The following LAMA1 variants were observed in gnomAD, a reference collection of about 807,000 sequenced individuals.
LAMA1 encodes laminin subunit alpha-1.
Under a neutral mutation model 348.7 loss-of-function variants are expected in LAMA1, and 219 were observed. That is an observed-to-expected ratio of 0.63 (90% CI 0.56 to 0.70). The LOEUF (loss-of-function observed/expected upper bound fraction) is 0.70, where lower values mean the gene tolerates loss of function less well. LAMA1 is among the 30% of genes least tolerant of loss of function. The pLI, the probability that LAMA1 is intolerant of heterozygous loss-of-function variation, is 0.00. For synonymous variants in LAMA1, 1,487 were observed against 1,491.0 expected (o/e 1.00, Z 0.06); for missense variants, 3,744 against 3,888.0 (o/e 0.96, Z 0.99).
Position 7,080,284 on chromosome 18 carries a change from T to C in LAMA1, c.232+3A>G, listed in dbSNP as rs1386824999. The C allele has an allele frequency of 6.2e-7, 1 of 1,614,166 alleles. No homozygotes were observed. Among genetic ancestry groups the C allele is most frequent in the Non-Finnish European group, 8.5e-7 (1 of 1,180,036 alleles). On this transcript the variant is annotated splice_donor_region_variant and intron_variant, in intron 2 of 62. Coordinates refer to ENST00000389658, the MANE Select transcript of LAMA1 (RefSeq NM_005559.4). ...ATTTCAGAAATAAAGGCGCGACACT[T>C]GCCTCTGGGGTTTGCGCTGTTGCCA...
At position 7,103,251 on chromosome 18, in the gene LAMA1, A is replaced by G. The variant is rs568955321; in HGVS notation, c.61+14409T>C. Among the ~76,000 whole-genome samples the G allele has an allele frequency of 8.1e-4, 123 of 152,088 alleles. 3 individuals carry two copies. The South Asian group carries it at 0.016, about 20-fold the overall frequency. ...GCTAACATGGTGAACTAAAAATACA[A>G]AAAATTAGCCGGGCATGGTGGCGGG... On this transcript the variant is annotated intron_variant, in intron 1 of 62. Coordinates refer to ENST00000389658, the MANE Select transcript of LAMA1 (RefSeq NM_005559.4).
At chr18:6,975,850 T>G (rs2057679147) in intron 45 of LAMA1, 87 bp downstream of exon 45, 3 of 1,534,996 alleles carry the variant, frequency 2.0e-6, no homozygotes, top group Non-Finnish European at 2.7e-6. Context: ...TAAGGCCTAT[T>G]TTTTTTTCGT....
Position 7,072,289 on chromosome 18 carries a change from A to C in LAMA1, c.345+7686T>G, listed in dbSNP as rs183552444. On this transcript the variant is annotated intron_variant, in intron 3 of 62. Coordinates refer to ENST00000389658, the MANE Select transcript of LAMA1 (RefSeq NM_005559.4). The stretch of plus-strand genomic sequence containing the variant: ...AACCTAAAGTAATTTGTGTATTAGA[A>C]ATATGACAGAGGGAAAGAAAACTCA... 2.0e-5 allele frequency among the ~76,000 whole-genome samples: 3 copies of C among 152,344 alleles called. No individual in the cohort carries two copies. The East Asian group carries it at 5.8e-4, about 29-fold the overall frequency.
rs1568010214 is a variant in LAMA1, at chr18:6,965,324, A to G, written c.7159T>C (p.Trp2387Arg). Residue 2387 changes from tryptophan (W) to arginine (R), a missense_variant, in exon 50 of 63, where the codon TGG (tryptophan) becomes CGG (arginine). Trp to Arg is a moderately radical substitution (Grantham distance 101, BLOSUM62 -3). Around this residue, in one of 3 missense-constraint regions of LAMA1, gnomAD observed 1,983 missense variants for 1,934.3 expected, o/e 1.03. Coordinates refer to ENST00000389658, the MANE Select transcript of LAMA1 (RefSeq NM_005559.4). ...TTTCGCTGGAAGGCAATTTTGTACC[A>G]GGTTCCATTGTTATAACGTCTGTCT... ...LTDRRYNNGT[W>R]YKIAFQRNRK... 1.2e-6 allele frequency: 2 copies of G among 1,614,186 alleles called. No individual in the cohort carries two copies. Among genetic ancestry groups the G allele is most frequent in the Non-Finnish European group, 1.7e-6 (2 of 1,180,026 alleles).
intron 3 of LAMA1, among the ~76,000 whole-genome samples, chr18:7,073,178 G>T (rs1432547860): frequency 6.6e-6 from 1 of 152,048 alleles, no homozygotes; most frequent in African/African-American, 2.4e-5. Context: ...GACTGGTGTG[G>T]CTTCCATATT....
chr18:7,017,659 G>A (rs975696666), intron 19 of LAMA1, among the ~76,000 whole-genome samples: 1 of 152,040 alleles, frequency 6.6e-6, no homozygotes, highest in Non-Finnish European at 1.5e-5. Flanking sequence ...TGACTTCCTC[G>A]ACATATTTTA....
In LAMA1 at chr18:6,980,550, G is replaced by T; in HGVS notation, c.5978C>A (p.Ser1993Ter). 6.2e-7 allele frequency: 1 copy of T among 1,610,762 alleles called. No individual in the cohort carries two copies. The highest frequency in any genetic ancestry group is 1.1e-5 in the South Asian group (1 of 90,986). Residue 1993 changes from serine (S) to a stop codon, truncating the protein, a stop_gained, in exon 42 of 63, where the codon TCA (serine) becomes TAA (stop). Transcript: ENST00000389658. LOFTEE classifies it high-confidence loss of function. ...AGGAATTGCTCTAAGTATCAAGAGT[G>T]ATTCATTGGTTTGCCTGGTAATTTC... ...AVEITRQTNE[S>*]LLILRAIPKG... is the part of the protein sequence containing the mutation.
At chr18:7,102,080 A>G (rs776400457) in intron 1 of LAMA1, among the ~76,000 whole-genome samples, 10 of 152,264 alleles carry the variant, frequency 6.6e-5, no homozygotes, top group Non-Finnish European at 1.2e-4. Context: ...CCCTTTACCA[A>G]TAACCATCTT....
At chr18:7,076,834 T>A (rs992406157) in intron 3 of LAMA1, 2 of 152,198 alleles carry the variant, frequency 1.3e-5, no homozygotes, top group Non-Finnish European at 2.9e-5. Flanking sequence ...ACTGAAGGAC[T>A]GGCAAAATGT....
At chr18:7,044,510 G>A (rs937948819) in intron 7 of LAMA1, among the ~76,000 whole-genome samples, 2 of 152,026 alleles carry the variant, frequency 1.3e-5, no homozygotes, top group South Asian at 2.1e-4. Flanking sequence ...TAGACTATAC[G>A]GGAAGGGGGA....
chr18:6,983,064 CAG>C, intron 40 of LAMA1, 33 bp downstream of exon 40: 3 of 1,614,154 alleles, frequency 1.9e-6, no homozygotes, highest in Non-Finnish European at 2.5e-6. Context: ...AAATCTCCCA[CAG>C]AGCCCAGAAA....
In LAMA1 at chr18:6,971,942, A is replaced by G. The variant is rs967572880; in HGVS notation, c.6814T>C (p.Leu2272=). The G allele has an allele frequency of 6.2e-7, 1 of 1,614,058 alleles. No individual in the cohort carries two copies. The highest frequency in any genetic ancestry group is 8.5e-7 in the Non-Finnish European group (1 of 1,179,992). Residue 2272 remains leucine, a synonymous_variant, in exon 48 of 63, where the codon TTG becomes CTG. Coordinates refer to ENST00000389658, the MANE Select transcript of LAMA1 (RefSeq NM_005559.4). ...TTTCCATTCAGGAAGGCCTCCCCCAAGCAGCCTTTAAAATGAGTAACCTTC... is the reference window on the plus strand; with the variant it reads ...TTTCCATTCAGGAAGGCCTCCCCCAGGCAGCCTTTAAAATGAGTAACCTTC... ...AVKVTHFKGC[L]GEAFLNGKSI...
intron 56 of LAMA1, 33 bp downstream of exon 56, chr18:6,956,603 G>A (rs1355641407): frequency 1.9e-6 from 3 of 1,613,596 alleles, no homozygotes. Context: ...TTGCTGACTG[G>A]ACCTGACTGA....
chr18:7,117,305 CGGCGCCCCGCTCCG>C (rs1164685547), intron 1 of LAMA1, among the ~76,000 whole-genome samples: 4 of 151,704 alleles, frequency 2.6e-5, no homozygotes, highest in South Asian at 2.1e-4. Context: ...AAGCAACCCC[CGGCGCCCCGCTCCG>C]GGCGCCCCGC....
At chr18:7,068,734 A>T (rs1179087841) in intron 3 of LAMA1, among the ~76,000 whole-genome samples, 1 of 152,084 alleles carries the variant, frequency 6.6e-6, no homozygotes, top group African/African-American at 2.4e-5. Flanking sequence ...ACGTTGTTAC[A>T]GCTTTGTTTT....
intron 16 of LAMA1, among the ~76,000 whole-genome samples, 196 bp downstream of exon 16, chr18:7,031,870 A>G (rs551295847): frequency 7.5e-6 from 1 of 134,096 alleles, no homozygotes; most frequent in South Asian, 2.4e-4. Flanking sequence ...TTACCAAAGT[A>G]ACTTTTTTCA....
At chr18:6,954,751 G>GCACT (rs112692128) in intron 57 of LAMA1, 77,263 of 173,070 alleles carry the variant, frequency 0.45, 17,848 homozygotes, top group East Asian at 0.63. Flanking sequence ...TGACAGGGTG[G>GCACT]CACAGCCAAT....
chr18:7,030,697 G>A (rs371975632), intron 16 of LAMA1, among the ~76,000 whole-genome samples: 1 of 152,052 alleles, frequency 6.6e-6, no homozygotes, highest in African/African-American at 2.4e-5. Flanking sequence ...AAGCTTTAAG[G>A]CCAGTTGCTA....
chr18:7,000,818 C>T (rs1356790475), intron 30 of LAMA1, among the ~76,000 whole-genome samples: 3 of 152,152 alleles, frequency 2.0e-5, no homozygotes, highest in African/African-American at 4.8e-5. Context: ...ATACCACTTC[C>T]GACTCTTTTT....
Sources: allele counts gnomAD v4.1 joint callset (sites outside exome capture counted in the v4.1 genomes callset), GRCh38; gene constraint gnomAD v4.1.1; regional missense constraint gnomAD v4.1.1; transcripts MANE v1.5; gene names NCBI Gene and HGNC (gene_info 2026-07-23, HGNC 2026-07-21).